The following CNTNAP5 variants were observed in gnomAD, a reference collection of about 807,000 sequenced individuals.
CNTNAP5 encodes the protein contactin-associated protein-like 5.
CNTNAP5 carries 72 observed loss-of-function variants against 150.2 expected under a neutral mutation model. The ratio of observed to expected loss-of-function variants is 0.48; its 90% confidence interval spans 0.40 to 0.58. The LOEUF (loss-of-function observed/expected upper bound fraction) is 0.58. CNTNAP5 is among the 20% of genes least tolerant of loss of function. The probability of loss-of-function intolerance (pLI) is 0.00; values close to 1 mark genes in which losing one functional copy is unlikely to be tolerated. For synonymous variants in CNTNAP5, 672 were observed against 619.8 expected, an observed-to-expected ratio of 1.08 and a Z score of -1.25; for missense variants, 1,636 against 1,626.2, an observed-to-expected ratio of 1.01 and a Z score of -0.10.
At chr2:124,629,662 A>G (rs2105007394) in intron 12 of CNTNAP5, among the ~76,000 whole-genome samples, 1 of 152,212 alleles carries the variant, frequency 6.6e-6, no homozygotes, top group South Asian at 2.1e-4. Flanking sequence ...CTAGAGAACC[A>G]GGAGCAAACA....
chr2:124,195,566 GT>G (rs2104701199), intron 1 of CNTNAP5, among the ~76,000 whole-genome samples: 1 of 152,244 alleles, frequency 6.6e-6, no homozygotes, highest in Admixed American at 6.5e-5. Flanking sequence ...CCCTACTGTA[GT>G]TTGTAGTTTG....
chr2:124,241,810 G>A (rs1569273), intron 2 of CNTNAP5, among the ~76,000 whole-genome samples: 26,320 of 152,014 alleles, frequency 0.17, 2,578 homozygotes, highest in Non-Finnish European at 0.23. Flanking sequence ...AAGAAGGAAC[G>A]ATATATTAGT....
At chr2:124,814,739 T>G (rs1682312616) in intron 19 of CNTNAP5, among the ~76,000 whole-genome samples, 1 of 152,132 alleles carries the variant, frequency 6.6e-6, no homozygotes, top group South Asian at 2.1e-4. Context: ...AGAAATAAAA[T>G]GAGAGTAAAA....
chr2:124,770,391 A>G (rs1398558627), intron 16 of CNTNAP5, among the ~76,000 whole-genome samples: 2 of 152,264 alleles, frequency 1.3e-5, no homozygotes, highest in East Asian at 3.9e-4. Flanking sequence ...AAGGCTAGTC[A>G]CAGCCAGCGA....
At chr2:124,094,470 G>A (rs912997824) in intron 1 of CNTNAP5, among the ~76,000 whole-genome samples, 12 of 152,146 alleles carry the variant, frequency 7.9e-5, no homozygotes, top group African/African-American at 2.9e-4. Context: ...CATTGCAAAT[G>A]TCATAGATTT....
chr2:124,510,477 G>GTA (rs70996072), intron 8 of CNTNAP5, among the ~76,000 whole-genome samples: 3,733 of 100,460 alleles, frequency 0.037, 139 homozygotes, highest in South Asian at 0.051. Flanking sequence ...TTATGTATGT[G>GTA]TATATATATA....
chr2:124,566,791 G>A (rs1269299787), intron 11 of CNTNAP5, among the ~76,000 whole-genome samples: 2 of 152,184 alleles, frequency 1.3e-5, no homozygotes, highest in African/African-American at 2.4e-5. Flanking sequence ...TGCAAACCAA[G>A]TGATTTCATC....
chr2:124,805,471 A>T (rs762151743), intron 19 of CNTNAP5, among the ~76,000 whole-genome samples: 2 of 152,152 alleles, frequency 1.3e-5, no homozygotes, highest in African/African-American at 4.8e-5. Context: ...CCTCAACCCC[A>T]ACAACTTTGG....
chr2:124,661,527 T>A (rs1678590511), intron 13 of CNTNAP5, among the ~76,000 whole-genome samples: 1 of 151,338 alleles, frequency 6.6e-6, no homozygotes, highest in Non-Finnish European at 1.5e-5. Context: ...AATGCCTTTT[T>A]CTGGAATTCC....
chr2:124,840,680 C>T (rs1682927152), intron 19 of CNTNAP5, among the ~76,000 whole-genome samples: 1 of 152,060 alleles, frequency 6.6e-6, no homozygotes, highest in African/African-American at 2.4e-5. Context: ...CTGCTTATGT[C>T]TTGACAACTT....
intron 13 of CNTNAP5, among the ~76,000 whole-genome samples, chr2:124,676,341 G>A (rs1463443193): frequency 1.3e-5 from 2 of 152,178 alleles, no homozygotes; most frequent in Non-Finnish European, 2.9e-5. Context: ...CCCTGCACAT[G>A]TGCATAGCCC....
At chr2:124,531,055 C>T (rs573277722) in intron 10 of CNTNAP5, among the ~76,000 whole-genome samples, 1 of 151,998 alleles carries the variant, frequency 6.6e-6, no homozygotes, top group Non-Finnish European at 1.5e-5. Context: ...TTATGTGACT[C>T]ACCATAATGC....
intron 10 of CNTNAP5, among the ~76,000 whole-genome samples, chr2:124,557,143 A>T (rs1009808508): frequency 1.3e-5 from 2 of 152,162 alleles, no homozygotes; most frequent in African/African-American, 4.8e-5. Flanking sequence ...CTCAATGGAC[A>T]TAAGTAATCA....
At chr2:124,387,273 T>C (rs182804052) in intron 3 of CNTNAP5, among the ~76,000 whole-genome samples, 1 of 152,370 alleles carries the variant, frequency 6.6e-6, no homozygotes, top group Non-Finnish European at 1.5e-5. Flanking sequence ...TAGGCTATTT[T>C]GGCTAAGATG....
At chr2:124,785,355 A>G (rs1681543068) in intron 17 of CNTNAP5, among the ~76,000 whole-genome samples, 1 of 152,188 alleles carries the variant, frequency 6.6e-6, no homozygotes, top group Non-Finnish European at 1.5e-5. Context: ...CATTGTTAAG[A>G]GATGTTCTGA....
At chr2:124,264,389 TAC>T (rs200429155) in intron 3 of CNTNAP5, among the ~76,000 whole-genome samples, 2,842 of 126,558 alleles carry the variant, frequency 0.022, 87 homozygotes, top group African/African-American at 0.069. Flanking sequence ...CACACACACA[TAC>T]ACACACACAC....
At chr2:124,049,864 G>A (rs546841672) in intron 1 of CNTNAP5, among the ~76,000 whole-genome samples, 1 of 152,288 alleles carries the variant, frequency 6.6e-6, no homozygotes, top group South Asian at 2.1e-4. Context: ...ATGAGGGCCT[G>A]CTTGCTTCTT....
intron 21 of CNTNAP5, among the ~76,000 whole-genome samples, chr2:124,872,374 CTGTGTGTGTGTGTGTGTGTGTGTG>C (rs56024878): frequency 7.2e-6 from 1 of 139,336 alleles, no homozygotes; most frequent in Non-Finnish European, 1.6e-5. Flanking sequence ...TTTCCTTATG[CTGTGTGTGTGTGTGTGTGTGTGTG>C]TGTGTGTGTG....
intron 1 of CNTNAP5, among the ~76,000 whole-genome samples, chr2:124,085,377 C>A (rs1042821358): frequency 6.6e-6 from 1 of 151,966 alleles, no homozygotes; most frequent in Non-Finnish European, 1.5e-5. Flanking sequence ...CATTTTGATG[C>A]CCGTAGTGAC....
Sources: allele counts gnomAD v4.1 joint callset (sites outside exome capture counted in the v4.1 genomes callset), GRCh38; gene constraint gnomAD v4.1.1; transcripts MANE v1.5; gene names NCBI Gene and HGNC (gene_info 2026-07-23, HGNC 2026-07-21).